Variants in ABCA5 observed in about 807,000 individuals in gnomAD.
The protein encoded by ABCA5 is cholesterol transporter ABCA5.
Under a neutral mutation model 206.0 loss-of-function variants are expected in ABCA5, and 163 were observed. That is an observed-to-expected ratio of 0.79 (90% CI 0.70 to 0.90). The LOEUF (loss-of-function observed/expected upper bound fraction) is 0.90. Ranked by LOEUF, ABCA5 falls within the 40% of genes least tolerant of loss-of-function variation. ABCA5 has a pLI of 0.00. For missense variants in ABCA5, 1,859 were observed against 1,912.9 expected (o/e 0.97, Z 0.53); for synonymous variants, 609 against 613.8 (o/e 0.99, Z 0.11).
intron 5 of ABCA5, among the ~76,000 whole-genome samples, chr17:69,307,160 ATAAAGTT>A (rs1440863726): frequency 1.5e-4 from 23 of 152,202 alleles, no homozygotes; most frequent in African/African-American, 4.8e-4. Flanking sequence ...AAAGTATACC[ATAAAGTT>A]TAAAGTTTAA....
chr17:69,283,980 C>G lies in ABCA5; in HGVS notation c.2365G>C (p.Glu789Gln). 1.2e-6 allele frequency: 2 copies of G among 1,606,550 alleles called. No individual in the cohort carries two copies. The highest frequency in any genetic ancestry group is 1.7e-6 in the Non-Finnish European group (2 of 1,176,968). The change falls in exon 18 of 39, where the codon GAA becomes CAA. Residue 789 changes from glutamate (E) to glutamine (Q), a missense_variant. Physicochemically the swap from Glu to Gln is conservative, Grantham distance 29. Transcript: ENST00000392676. ...TTLEDVFLKL[E>Q]VEAEIDQADY... ...GCTTGGTCAATTTCTGCTTCAACTTCTAGCTTTAAAAATACGTCTTCCAAA... is the reference window on the plus strand; with the variant it reads ...GCTTGGTCAATTTCTGCTTCAACTTGTAGCTTTAAAAATACGTCTTCCAAA...
chr17:69,259,642 G>A, intron 28 of ABCA5, 64 bp downstream of exon 28: 1 of 1,100,874 alleles, frequency 9.1e-7, no homozygotes, highest in South Asian at 1.6e-5. Flanking sequence ...TTATGTTATG[G>A]TAATGGTTAC....
intron 17 of ABCA5, among the ~76,000 whole-genome samples, 189 bp downstream of exon 17, chr17:69,285,708 TA>T (rs34065708): frequency 9.5e-4 from 141 of 149,034 alleles, no homozygotes; most frequent in East Asian, 5.3e-3. Flanking sequence ...ATGGTGTTTG[TA>T]AAAAAAAAAA....
At chr17:69,295,147 C>T (rs2075572191) in intron 10 of ABCA5, among the ~76,000 whole-genome samples, 3 of 152,130 alleles carry the variant, frequency 2.0e-5, no homozygotes, top group Non-Finnish European at 4.4e-5. Flanking sequence ...CTGTATTTAT[C>T]AATGCCGTCA....
intron 6 of ABCA5, among the ~76,000 whole-genome samples, chr17:69,305,544 T>C (rs2075706986): frequency 6.6e-6 from 1 of 152,136 alleles, no homozygotes; most frequent in African/African-American, 2.4e-5. Flanking sequence ...CGGTTCTCCA[T>C]AAAATACTTT....
chr17:69,318,956 C>A (rs983903043), intron 1 of ABCA5: 10 of 586,872 alleles, frequency 1.7e-5, no homozygotes, highest in Non-Finnish European at 2.8e-5. Context: ...AGCCTTGGAA[C>A]AAGTATAAAT....
chr17:69,309,673 T>C (rs1237189571), intron 3 of ABCA5, among the ~76,000 whole-genome samples: 2 of 151,964 alleles, frequency 1.3e-5, no homozygotes, highest in African/African-American at 4.8e-5. Flanking sequence ...TGAGGTTCTG[T>C]CTCCAAAAAA....
intron 4 of ABCA5, among the ~76,000 whole-genome samples, 173 bp from the exon 5 acceptor site, chr17:69,308,541 T>A (rs1204403897): frequency 1.3e-5 from 2 of 152,324 alleles, no homozygotes; most frequent in South Asian, 2.1e-4. Context: ...AGATTTCTGA[T>A]CATTTACTTG....
At chr17:69,279,194 G>T (rs542994904) in intron 18 of ABCA5, among the ~76,000 whole-genome samples, 2 of 152,240 alleles carry the variant, frequency 1.3e-5, no homozygotes, top group South Asian at 4.2e-4. Context: ...AAAGTCTCAG[G>T]ATACAAAATC....
intron 6 of ABCA5, among the ~76,000 whole-genome samples, chr17:69,305,691 G>A (rs75798905): frequency 0.024 from 3,679 of 152,088 alleles, 148 homozygotes; most frequent in African/African-American, 0.082. Context: ...ACAACATGGC[G>A]AGACCCCCGT....
At chr17:69,252,304 C>T (rs1024344837) in intron 34 of ABCA5, among the ~76,000 whole-genome samples, 4 of 151,990 alleles carry the variant, frequency 2.6e-5, no homozygotes, top group South Asian at 4.1e-4. Flanking sequence ...TGAGCCACTG[C>T]GCCAGGCCAT....
At chr17:69,248,358 G>GA (rs750100724) in intron 37 of ABCA5, 41 bp from the exon 38 acceptor site, 9 of 1,243,386 alleles carry the variant, frequency 7.2e-6, no homozygotes, top group Non-Finnish European at 9.1e-6. Flanking sequence ...ATCAATATCT[G>GA]AAAAAAATGG....
At chr17:69,259,631 ATTATG>A (rs2075123283) in intron 28 of ABCA5, 70 bp downstream of exon 28, 3 of 1,029,326 alleles carry the variant, frequency 2.9e-6, no homozygotes, top group Middle Eastern at 3.2e-4. Context: ...ATGTTCCAAA[ATTATG>A]TTATGGTAAT....
chr17:69,292,378 G>A (rs1469679198), intron 11 of ABCA5, among the ~76,000 whole-genome samples: 1 of 151,930 alleles, frequency 6.6e-6, no homozygotes, highest in Non-Finnish European at 1.5e-5. Flanking sequence ...GATGCTAAAT[G>A]CTATTTTTAA....
In ABCA5 at chr17:69,255,858, GA is replaced by G. The variant is rs1406171187; in HGVS notation, c.3859-9del. On this transcript the variant is annotated splice_polypyrimidine_tract_variant and intron_variant, in intron 29 of 38. Transcript: ENST00000392676. ...GACCATAATGGATGGTTTCTAATAA[GA>G]AAAATTGTATTTAAAAAGAAAGTTA... 1 of 1,528,868 alleles carries G rather than the reference GA, an allele frequency of 6.5e-7. No homozygotes were observed. The highest frequency in any genetic ancestry group is 8.8e-7 in the Non-Finnish European group (1 of 1,132,428). 94.7% of individuals were successfully genotyped at this position (1,528,868 alleles called of 1,614,324 possible).
In ABCA5 at chr17:69,326,412, T is replaced by A. The variant is rs2075897168; in HGVS notation, c.-16+640A>T. Among the ~76,000 whole-genome samples, 1 of 152,182 alleles carries A rather than the reference T, an allele frequency of 6.6e-6. No homozygotes were observed. The highest frequency in any genetic ancestry group is 1.5e-5 in the Non-Finnish European group (1 of 68,030). Reference sequence around the variant, plus strand: ...AGCCTGAGGAGCCCAGGGGAAAACCTCCTTCAGCTTAATAGCTCCAGCCTG... The same window carrying A: ...AGCCTGAGGAGCCCAGGGGAAAACCACCTTCAGCTTAATAGCTCCAGCCTG... On this transcript the variant is annotated intron_variant, in intron 1 of 38. Coordinates refer to ENST00000392676, the MANE Select transcript of ABCA5 (RefSeq NM_172232.4). The surrounding 1 kb of genome is among the most constrained non-coding windows in gnomAD (Gnocchi z 4.8).
intron 1 of ABCA5, chr17:69,315,556 G>A (rs1455555509): frequency 2.0e-5 from 3 of 152,278 alleles, no homozygotes; most frequent in Non-Finnish European, 2.9e-5. Flanking sequence ...AGGCCAAGGT[G>A]GGCAGATCAC....
intron 20 of ABCA5, 28 bp downstream of exon 20, chr17:69,273,931 T>A (rs373711437): frequency 8.6e-5 from 135 of 1,576,694 alleles, no homozygotes; most frequent in Non-Finnish European, 1.1e-4. Flanking sequence ...ATGCCAACAC[T>A]CGTTCACAGA....
chr17:69,255,604 C>T lies in ABCA5; in HGVS notation c.4007G>A (p.Gly1336Asp), dbSNP rs762618973. ...ATTAATAATTGTGCTTTTGCCAGCA[C>T]CATTTGGACCCAATAGTCCTAAGAT... ...GEILGLLGPN[G>D]AGKSTIINIL... is the part of the protein sequence containing the mutation. The change falls in exon 31 of 39, where the codon GGT becomes GAT. Residue 1336 changes from glycine (G) to aspartate (D), a missense_variant. Transcript: ENST00000392676. The T allele has an allele frequency of 5.1e-6, 8 of 1,581,130 alleles. No individual in the cohort carries two copies. In the African/African-American group the frequency reaches 1.1e-4, roughly 22 times the overall value.
Sources: gnomAD v4.1 joint callset for allele counts (sites outside exome capture counted in the v4.1 genomes callset) on GRCh38, gnomAD v4.1.1 for gene constraint, Gnocchi (gnomAD v3.1) non-coding constraint, MANE v1.5 for transcripts, NCBI Gene and HGNC (gene_info 2026-07-23, HGNC 2026-07-21) for gene names.